The following ACYP2 variants were observed in gnomAD, a reference collection of about 807,000 sequenced individuals.
ACYP2 encodes the protein acylphosphatase 2, also known as acylphosphatase-2.
Under a neutral mutation model 11.2 loss-of-function variants are expected in ACYP2, and 12 were observed. The observed-to-expected ratio is 1.08, with a 90% confidence interval of 0.69 to 1.74. The LOEUF (loss-of-function observed/expected upper bound fraction) is 1.74, where lower values mean the gene tolerates loss of function less well. Among genes scored for constraint, ACYP2 ranks in the 40% most tolerant of loss-of-function variants. The probability of loss-of-function intolerance (pLI) is 0.00; values close to 1 mark genes in which losing one functional copy is unlikely to be tolerated. For synonymous variants in ACYP2, 43 were observed against 32.2 expected (o/e 1.33, Z -1.13); for missense variants, 134 against 101.9 (o/e 1.31, Z -1.35).
At chr2:54,103,367 A>G (rs1249502959) in intron 4 of ACYP2, among the ~76,000 whole-genome samples, 1 of 152,124 alleles carries the variant, frequency 6.6e-6, no homozygotes, top group Non-Finnish European at 1.5e-5. Flanking sequence ...TTATCTGTCC[A>G]TTTTGCTGTT....
intron 6 of ACYP2, among the ~76,000 whole-genome samples, chr2:54,183,171 A>C (rs1683817784): frequency 6.6e-6 from 1 of 152,224 alleles, no homozygotes; most frequent in Admixed American, 6.5e-5. Context: ...ATACAAATCA[A>C]AATTGTAAAG....
intron 2 of ACYP2, among the ~76,000 whole-genome samples, chr2:53,990,900 C>G (rs904924666): frequency 1.3e-5 from 2 of 151,762 alleles, no homozygotes; most frequent in African/African-American, 4.8e-5. Context: ...GGGTTCACGC[C>G]ATTCTCCTGC....
intron 2 of ACYP2, among the ~76,000 whole-genome samples, chr2:54,034,378 A>G (rs1196877943): frequency 2.6e-5 from 4 of 152,162 alleles, no homozygotes; most frequent in Non-Finnish European, 4.4e-5. Context: ...AAATAAGACT[A>G]TAATACTGTA....
At chr2:54,062,875 C>T (rs1461762076) in intron 4 of ACYP2, among the ~76,000 whole-genome samples, 1 of 152,176 alleles carries the variant, frequency 6.6e-6, no homozygotes, top group Non-Finnish European at 1.5e-5. Context: ...AACAGGAAAA[C>T]AGCCTGGCTG....
intron 4 of ACYP2, among the ~76,000 whole-genome samples, chr2:54,085,379 G>A (rs1488424761): frequency 6.6e-6 from 1 of 152,228 alleles, no homozygotes; most frequent in Non-Finnish European, 1.5e-5. Context: ...GAGCTGCCAG[G>A]ATGGGCTCTG....
chr2:54,262,416 C>G (rs1431333452), intron 6 of ACYP2, among the ~76,000 whole-genome samples: 5 of 152,142 alleles, frequency 3.3e-5, no homozygotes, highest in African/African-American at 1.2e-4. Context: ...TAAAATGTTT[C>G]TAATATCTAA....
intron 2 of ACYP2, among the ~76,000 whole-genome samples, chr2:53,974,135 C>T (rs1203340747): frequency 1.3e-5 from 2 of 151,528 alleles, no homozygotes; most frequent in African/African-American, 2.4e-5. Context: ...AGGCTGGTCT[C>T]GAACTCCTGA....
chr2:54,091,634 C>A lies in ACYP2; in HGVS notation c.277+34274C>A, dbSNP rs1353706071. On this transcript the variant is annotated intron_variant, in intron 4 of 6. Transcript: ENST00000607452. Reference sequence around the variant, plus strand: ...TCAAACAATTTTTCTGCATCAGCCTCCTGAGTAGCTAGGACTACAGTTGTG... The same window carrying A: ...TCAAACAATTTTTCTGCATCAGCCTACTGAGTAGCTAGGACTACAGTTGTG... Among the ~76,000 whole-genome samples, 4 of 152,022 alleles carry A rather than the reference C, an allele frequency of 2.6e-5. 1 individual carries two copies. The highest frequency in any genetic ancestry group is 2.6e-4 in the Admixed American group (4 of 15,250).
intron 4 of ACYP2, among the ~76,000 whole-genome samples, chr2:54,090,958 A>G (rs1409118964): frequency 6.6e-6 from 1 of 152,178 alleles, no homozygotes; most frequent in Non-Finnish European, 1.5e-5. Flanking sequence ...TACACTAGAC[A>G]TCTTTGTTTC....
At chr2:53,996,573 A>G (rs1332234903) in intron 2 of ACYP2, among the ~76,000 whole-genome samples, 1 of 152,218 alleles carries the variant, frequency 6.6e-6, no homozygotes, top group Non-Finnish European at 1.5e-5. Flanking sequence ...TAATGCTGCC[A>G]TGATCAGCCA....
At chr2:54,207,171 A>ATGTGTGTGTGTGTGTGTGTGTG (rs1462290345) in intron 6 of ACYP2, among the ~76,000 whole-genome samples, 14 of 68,466 alleles carry the variant, frequency 2.0e-4, no homozygotes, top group Non-Finnish European at 3.1e-4. Flanking sequence ...TACAACATGT[A>ATGTGTGTGTGTGTGTGTGTGTG]TATGTGTGTG....
chr2:54,064,971 G>C (rs779070555), intron 4 of ACYP2, among the ~76,000 whole-genome samples: 3 of 151,952 alleles, frequency 2.0e-5, no homozygotes, highest in Non-Finnish European at 4.4e-5. Context: ...GTAATCCCAG[G>C]TACTCGGGAG....
At chr2:54,173,489 G>A (rs1683304335) in intron 6 of ACYP2, among the ~76,000 whole-genome samples, 1 of 152,120 alleles carries the variant, frequency 6.6e-6, no homozygotes, top group Non-Finnish European at 1.5e-5. Flanking sequence ...CCGTTCTGTA[G>A]GTTGCCTTTT....
At position 54,214,062 on chromosome 2, in the gene ACYP2, C is replaced by T. The variant is rs537453652; in HGVS notation, c.404+75314C>T. Among the ~76,000 whole-genome samples the T allele has an allele frequency of 4.4e-3, 671 of 152,164 alleles. 7 individuals carry two copies. The highest frequency in any genetic ancestry group is 0.015 in the African/African-American group (640 of 41,518). On this transcript the variant is annotated intron_variant, in intron 6 of 6. Transcript: ENST00000607452. Reference sequence around the variant, plus strand: ...GGCATGAGCGCCCATGCCTAGCCATCTTTGCCCATTTTTTTAATGGGGTTG... The same window carrying T: ...GGCATGAGCGCCCATGCCTAGCCATTTTTGCCCATTTTTTTAATGGGGTTG...
intron 6 of ACYP2, among the ~76,000 whole-genome samples, chr2:54,284,643 T>C (rs186463559): frequency 3.1e-4 from 47 of 152,308 alleles, no homozygotes; most frequent in African/African-American, 1.0e-3. Context: ...TATCTACAAT[T>C]GTTTTTTAAA....
At chr2:54,120,309 G>T (rs1291196436) in intron 4 of ACYP2, among the ~76,000 whole-genome samples, 1 of 152,198 alleles carries the variant, frequency 6.6e-6, no homozygotes, top group East Asian at 1.9e-4. Flanking sequence ...TGTGCTTTTA[G>T]AGTGTTTGTA....
intron 4 of ACYP2, among the ~76,000 whole-genome samples, chr2:54,129,495 A>T (rs900349160): frequency 6.6e-6 from 1 of 151,912 alleles, no homozygotes; most frequent in East Asian, 1.9e-4. Context: ...CAAGATTATG[A>T]TTGGCACTAA....
chr2:54,282,082 C>T (rs912811861), intron 6 of ACYP2, among the ~76,000 whole-genome samples: 1 of 152,158 alleles, frequency 6.6e-6, no homozygotes, highest in Non-Finnish European at 1.5e-5. Context: ...ACCCAGAAGA[C>T]ACCAGTTCTC....
At chr2:54,092,063 G>C (rs1678263679) in intron 4 of ACYP2, among the ~76,000 whole-genome samples, 1 of 152,212 alleles carries the variant, frequency 6.6e-6, no homozygotes, top group Non-Finnish European at 1.5e-5. Context: ...GGCAGCTATA[G>C]AGGGTGAGGG....
Sources: allele counts gnomAD v4.1 joint callset (sites outside exome capture counted in the v4.1 genomes callset), GRCh38; gene constraint gnomAD v4.1.1; transcripts MANE v1.5; gene names NCBI Gene and HGNC (gene_info 2026-07-23, HGNC 2026-07-21).